The following PTPN9 variants were observed in gnomAD, a reference collection of about 807,000 sequenced individuals.
PTPN9 encodes protein tyrosine phosphatase non-receptor type 9, also known as tyrosine-protein phosphatase non-receptor type 9.
In PTPN9, 26 loss-of-function variants were observed where a neutral mutation model predicts 69.8. That is an observed-to-expected ratio of 0.37 (90% CI 0.27 to 0.52). The LOEUF is 0.52. Ranked by LOEUF, PTPN9 falls within the 20% of genes least tolerant of loss-of-function variation. PTPN9 has a pLI of 0.91. For synonymous variants in PTPN9, 274 were observed against 272.5 expected, an observed-to-expected ratio of 1.01 and a Z score of -0.05; for missense variants, 549 against 740.3, an observed-to-expected ratio of 0.74 and a Z score of 3.00.
At chr15:75,510,403 A>G (rs2074840060) in intron 5 of PTPN9, among the ~76,000 whole-genome samples, 2 of 152,048 alleles carry the variant, frequency 1.3e-5, no homozygotes, top group Non-Finnish European at 2.9e-5. Context: ...ACACTTGGCT[A>G]ATTTTTGTAT....
At chr15:75,555,910 T>A (rs542596842) in intron 1 of PTPN9, among the ~76,000 whole-genome samples, 21 of 151,860 alleles carry the variant, frequency 1.4e-4, no homozygotes, top group African/African-American at 5.1e-4. Context: ...CCTACACCTA[T>A]AATCCTAGCA....
intron 1 of PTPN9, among the ~76,000 whole-genome samples, chr15:75,560,282 G>C (rs2075098878): frequency 6.6e-6 from 1 of 152,100 alleles, no homozygotes; most frequent in South Asian, 2.1e-4. Flanking sequence ...ATCTAGAAAG[G>C]TTATTTTTGA....
intron 1 of PTPN9, among the ~76,000 whole-genome samples, chr15:75,547,167 C>T (rs2075036664): frequency 6.6e-6 from 1 of 151,736 alleles, no homozygotes; most frequent in Admixed American, 6.6e-5. Context: ...TGGTGGTGTG[C>T]ACCTGTAGTC....
intron 1 of PTPN9, among the ~76,000 whole-genome samples, chr15:75,564,391 G>A (rs1048844843): frequency 3.9e-5 from 6 of 151,914 alleles, no homozygotes; most frequent in Admixed American, 1.3e-4. Context: ...TCAGAAGATT[G>A]AGACCATCCT....
intron 5 of PTPN9, among the ~76,000 whole-genome samples, chr15:75,512,088 G>A (rs537272558): frequency 3.3e-5 from 5 of 151,962 alleles, no homozygotes; most frequent in South Asian, 4.2e-4. Context: ...CAAGTGATCC[G>A]CCCATCTTGG....
chr15:75,530,276 C>CCTGTAAT (rs1267681549), intron 1 of PTPN9, among the ~76,000 whole-genome samples: 1 of 140,328 alleles, frequency 7.1e-6, no homozygotes, highest in East Asian at 2.0e-4. Flanking sequence ...GTGGCTCATG[C>CCTGTAAT]CTGTAATCCT....
In PTPN9 at chr15:75,468,196, A is replaced by G. The variant is rs1245806543; in HGVS notation, c.*573T>C. The G allele has an allele frequency of 6.5e-6, 1 of 153,304 alleles. No individual in the cohort carries two copies. The highest frequency in any genetic ancestry group is 1.5e-5 in the Non-Finnish European group (1 of 68,506). 9.5% of individuals were successfully genotyped at this position (153,304 alleles called of 1,614,324 possible). ...AGAATACGATCATATTATCACATAC[A>G]ATATATATTATATACACACGTACAT... On this transcript the variant is annotated 3_prime_UTR_variant, in exon 13 of 13. Transcript: ENST00000618819.
At chr15:75,520,029 C>CAG (rs2074894343) in intron 4 of PTPN9, among the ~76,000 whole-genome samples, 1 of 152,056 alleles carries the variant, frequency 6.6e-6, no homozygotes, top group South Asian at 2.1e-4. Flanking sequence ...CCTTGGGAGA[C>CAG]AGAGGCAGGA....
intron 1 of PTPN9, among the ~76,000 whole-genome samples, chr15:75,533,417 G>A (rs1274583217): frequency 6.6e-6 from 1 of 151,950 alleles, no homozygotes; most frequent in African/African-American, 2.4e-5. Context: ...ACGTCACCAT[G>A]CCTGGCTAAT....
At chr15:75,557,207 C>T (rs2075081662) in intron 1 of PTPN9, among the ~76,000 whole-genome samples, 1 of 152,006 alleles carries the variant, frequency 6.6e-6, no homozygotes, top group Non-Finnish European at 1.5e-5. Context: ...GGCAGATCAC[C>T]TGAGGTCAGG....
chr15:75,493,662 G>A (rs1463012273), intron 7 of PTPN9, among the ~76,000 whole-genome samples: 2 of 152,090 alleles, frequency 1.3e-5, no homozygotes, highest in Non-Finnish European at 1.5e-5. Flanking sequence ...TCGGGAGGCT[G>A]AGGCATGAGA....
At chr15:75,500,678 C>T (rs913109475) in intron 7 of PTPN9, among the ~76,000 whole-genome samples, 1 of 151,850 alleles carries the variant, frequency 6.6e-6, no homozygotes, top group African/African-American at 2.4e-5. Context: ...ATCACTTGAG[C>T]CCAGGGGTTC....
At chr15:75,568,100 GT>G (rs1595972740) in intron 1 of PTPN9, among the ~76,000 whole-genome samples, 2 of 151,956 alleles carry the variant, frequency 1.3e-5, no homozygotes, top group African/African-American at 4.8e-5. Flanking sequence ...CCATTTTATA[GT>G]TTGGACCTAA....
At chr15:75,502,447 C>T (rs1038512186) in intron 7 of PTPN9, among the ~76,000 whole-genome samples, 2 of 149,674 alleles carry the variant, frequency 1.3e-5, no homozygotes, top group African/African-American at 4.9e-5. Flanking sequence ...GACTCCATCT[C>T]AGAAAGAAAA....
At chr15:75,539,920 A>G (rs1408161209) in intron 1 of PTPN9, among the ~76,000 whole-genome samples, 1 of 152,078 alleles carries the variant, frequency 6.6e-6, no homozygotes, top group African/African-American at 2.4e-5. Context: ...ATCCGCCTCA[A>G]GCAACTCCCC....
chr15:75,541,290 C>T (rs190978440), intron 1 of PTPN9, among the ~76,000 whole-genome samples: 18 of 151,120 alleles, frequency 1.2e-4, no homozygotes, highest in Admixed American at 1.1e-3. Context: ...TCTCACCAGC[C>T]GAGACTGGTG....
intron 4 of PTPN9, among the ~76,000 whole-genome samples, chr15:75,521,559 G>A (rs1177482362): frequency 2.0e-5 from 3 of 151,954 alleles, no homozygotes; most frequent in Non-Finnish European, 2.9e-5. Context: ...TTAAAAAAAC[G>A]GAGAAGCCAG....
intron 1 of PTPN9, among the ~76,000 whole-genome samples, chr15:75,528,950 T>C (rs990801574): frequency 1.3e-5 from 2 of 151,718 alleles, no homozygotes; most frequent in African/African-American, 4.8e-5. Flanking sequence ...GATCATTCCA[T>C]CTCGCATTCC....
In PTPN9 at chr15:75,566,596, T is replaced by G. The variant is rs148492817; in HGVS notation, c.63+12118A>C. ...ACTTGGGAGGCTGAGACAGAATTGC[T>G]TGAAGCCAGGAGGCGGAGGTTGCAG... On this transcript the variant is annotated intron_variant, in intron 1 of 12. Transcript: ENST00000618819. Among the ~76,000 whole-genome samples, 709 of 152,074 alleles carry G rather than the reference T, an allele frequency of 4.7e-3. 9 individuals carry two copies. The highest frequency in any genetic ancestry group is 0.016 in the African/African-American group (667 of 41,492).
Sources: gnomAD v4.1 joint callset for allele counts (sites outside exome capture counted in the v4.1 genomes callset) on GRCh38, gnomAD v4.1.1 for gene constraint, MANE v1.5 for transcripts, NCBI Gene and HGNC (gene_info 2026-07-23, HGNC 2026-07-21) for gene names.